FAM53B: variants seen among roughly 807,000 people sequenced by gnomAD.
FAM53B encodes family with sequence similarity 53 member B.
A neutral mutation model predicts 32.7 loss-of-function variants in FAM53B; 12 were observed. The ratio of observed to expected loss-of-function variants is 0.37; its 90% CI spans 0.24 to 0.59. The LOEUF (loss-of-function observed/expected upper bound fraction) is 0.59, where lower values mean the gene tolerates loss of function less well. Among genes scored for constraint, FAM53B ranks in the 20% least tolerant of loss-of-function variants. FAM53B has a pLI of 0.72. For missense variants in FAM53B, 477 were observed against 577.7 expected, an observed-to-expected ratio of 0.83 and a Z score of 1.79; for synonymous variants, 234 against 228.7, an observed-to-expected ratio of 1.02 and a Z score of -0.21.
intron 1 of FAM53B, among the ~76,000 whole-genome samples, chr10:124,734,362 C>A (rs1950162357): frequency 6.6e-6 from 1 of 152,216 alleles, no homozygotes; most frequent in Non-Finnish European, 1.5e-5. Flanking sequence ...AGCCTGGGGG[C>A]CACCACCATG....
intron 1 of FAM53B, among the ~76,000 whole-genome samples, chr10:124,724,383 C>T (rs186963419): frequency 3.3e-5 from 5 of 152,326 alleles, no homozygotes; most frequent in Admixed American, 6.5e-5. Flanking sequence ...CCAGTGCCAG[C>T]GCCAGCGCCC....
chr10:124,721,327 T>C (rs1019145114), intron 1 of FAM53B, among the ~76,000 whole-genome samples: 5 of 152,248 alleles, frequency 3.3e-5, no homozygotes, highest in Admixed American at 6.5e-5. Context: ...GCTTCAATTA[T>C]TAATAAATCA....
At position 124,706,687 on chromosome 10, in the gene FAM53B, G is replaced by C. The variant is rs1949961332; in HGVS notation, c.27C>G (p.Leu9=). MVMVLSES[L]STRGADSIAC... ...CAATGGAGTCAGCTCCCCGGGTGCT[G>C]AGGCTTTCACTTAGGACCATCACCA... The change falls in exon 2 of 5, where the codon CTC becomes CTG. Residue 9 remains leucine (L), a synonymous_variant. Coordinates refer to ENST00000337318, the MANE Select transcript of FAM53B (RefSeq NM_014661.4). 6.2e-7 allele frequency: 1 copy of C among 1,614,196 alleles called. No individual in the cohort carries two copies. Among genetic ancestry groups the C allele is most frequent in the African/African-American group, 1.3e-5 (1 of 75,066 alleles).
chr10:124,713,912 G>A (rs2134091539), intron 1 of FAM53B: 1 of 152,346 alleles, frequency 6.6e-6, no homozygotes, highest in African/African-American at 2.4e-5. Context: ...AAGGAAATAG[G>A]AGGGGAAGAC....
intron 4 of FAM53B, among the ~76,000 whole-genome samples, chr10:124,657,945 C>T (rs778404706): frequency 6.6e-6 from 1 of 152,218 alleles, no homozygotes. Flanking sequence ...CAGGAAGGTT[C>T]CTTTCTGCTT....
chr10:124,679,552 G>C (rs890168788), intron 4 of FAM53B, among the ~76,000 whole-genome samples: 2 of 152,252 alleles, frequency 1.3e-5, no homozygotes, highest in Non-Finnish European at 2.9e-5. Context: ...GGGCTGACCA[G>C]GGTCTAGACT....
chr10:124,682,130 G>A lies in FAM53B; in HGVS notation c.383C>T (p.Thr128Ile), dbSNP rs1330061076. The change falls in exon 4 of 5, where the codon ACA becomes ATA. Residue 128 changes from threonine (T) to isoleucine (I), a missense_variant. By Grantham distance (89) the Thr-to-Ile change is moderately conservative. Around this residue, in one of 2 missense-constraint regions of FAM53B, gnomAD observed 312 missense variants for 420.2 expected, o/e 0.74. Transcript: ENST00000337318. This position sits in a 1 kb window ranked among gnomAD's most constrained non-coding sequence, Gnocchi z 5.2. The part of the protein sequence containing the change: ...SFSDEMSSCR[T>I]SWRPLGSKVW... ...TTTGGAGCCCAAGGGCCTCCATGATGTCCGGCAACTGGACATCTCATCGGA... is the reference window on the plus strand; with the variant it reads ...TTTGGAGCCCAAGGGCCTCCATGATATCCGGCAACTGGACATCTCATCGGA... 1 of 1,613,590 alleles carries A rather than the reference G, an allele frequency of 6.2e-7. No individual in the cohort carries two copies. The highest frequency in any genetic ancestry group is 8.5e-7 in the Non-Finnish European group (1 of 1,179,882).
intron 1 of FAM53B, among the ~76,000 whole-genome samples, chr10:124,734,784 T>G (rs1282357744): frequency 6.6e-6 from 1 of 152,168 alleles, no homozygotes; most frequent in Non-Finnish European, 1.5e-5. Flanking sequence ...GTCCATCCTG[T>G]TCACCCCACA....
rs577085961 is a variant in FAM53B, at chr10:124,621,084, C to G, written c.*2158G>C. On this transcript the variant is annotated 3_prime_UTR_variant, in exon 5 of 5. Coordinates refer to ENST00000337318, the MANE Select transcript of FAM53B (RefSeq NM_014661.4). ...TGTCACCATGTGCCTCCCACCCCAG[C>G]CCTAAGCAAAGGTAGCTGGGGGCTG... 1 of 152,398 alleles carries G rather than the reference C, an allele frequency of 6.6e-6. No individual in the cohort carries two copies. The highest frequency in any genetic ancestry group is 2.4e-5 in the African/African-American group (1 of 41,582). 9.4% of individuals were successfully genotyped at this position (152,398 alleles called of 1,614,324 possible). A position where few individuals can be genotyped will look rare whatever the true frequency, so the allele number is the denominator to read the frequency against.
intron 1 of FAM53B, among the ~76,000 whole-genome samples, chr10:124,730,709 T>G (rs1355792059): frequency 1.3e-5 from 2 of 152,202 alleles, no homozygotes; most frequent in Non-Finnish European, 2.9e-5. Context: ...ATTAAGCATG[T>G]GACACGTGGC....
At chr10:124,710,583 C>A (rs1332216749) in intron 1 of FAM53B, among the ~76,000 whole-genome samples, 1 of 152,174 alleles carries the variant, frequency 6.6e-6, no homozygotes, top group African/African-American at 2.4e-5. Flanking sequence ...AAGCCGGGGG[C>A]ATGGCCAAGA....
rs1206929123 is a variant in FAM53B, at chr10:124,619,838, T to C, written c.*3404A>G. The C allele has an allele frequency of 6.6e-6, 1 of 152,448 alleles. No homozygotes were observed. Among genetic ancestry groups the C allele is most frequent in the Non-Finnish European group, 1.5e-5 (1 of 68,018 alleles). 9.4% of individuals were successfully genotyped at this position (152,448 alleles called of 1,614,324 possible). A position where few individuals can be genotyped will look rare whatever the true frequency, so the allele number is the denominator to read the frequency against. On this transcript the variant is annotated 3_prime_UTR_variant, in exon 5 of 5. Transcript: ENST00000337318. ...GGCTGACGTCTGGAGTGACCGTCAT[T>C]CCAGTGACCACCCCCATAGCCACAG... is the stretch of plus-strand genomic sequence containing the variant.
At chr10:124,645,288 C>A (rs1949505374) in intron 4 of FAM53B, among the ~76,000 whole-genome samples, 1 of 152,252 alleles carries the variant, frequency 6.6e-6, no homozygotes, top group Admixed American at 6.5e-5. Flanking sequence ...AAAATCCCTT[C>A]TTCTCTTTAA....
rs1950154958 is a variant in FAM53B, at chr10:124,733,182, A to G, written c.-175+10831T>C. Among the ~76,000 whole-genome samples, 1 of 152,092 alleles carries G rather than the reference A, an allele frequency of 6.6e-6. No homozygotes were observed. The highest frequency in any genetic ancestry group is 1.9e-4 in the East Asian group (1 of 5,204). ...AGCAAAACCCTACCAGCCTTGGAAAACACACCCCCCAAAGCTAAGATGGGC... is the reference window on the plus strand; with the variant it reads ...AGCAAAACCCTACCAGCCTTGGAAAGCACACCCCCCAAAGCTAAGATGGGC... On this transcript the variant is annotated intron_variant, in intron 1 of 4. Coordinates refer to ENST00000337318, the MANE Select transcript of FAM53B (RefSeq NM_014661.4). The surrounding 1 kb of genome is among the most constrained non-coding windows in gnomAD (Gnocchi z 4.3).
chr10:124,739,226 G>T (rs1950187681), intron 1 of FAM53B, among the ~76,000 whole-genome samples: 1 of 152,214 alleles, frequency 6.6e-6, no homozygotes, highest in Non-Finnish European at 1.5e-5. Flanking sequence ...CATATGGAAA[G>T]CAACCAGGCT....
intron 3 of FAM53B, among the ~76,000 whole-genome samples, chr10:124,683,331 AG>A (rs1226948148): frequency 6.6e-6 from 1 of 152,218 alleles, no homozygotes; most frequent in Non-Finnish European, 1.5e-5. Context: ...ACAGTATAAA[AG>A]CAAAGTTACA....
rs1385905834 is a variant in FAM53B, at chr10:124,696,150, G to A, written c.133+8C>T. 3 of 1,613,044 alleles carry A rather than the reference G, an allele frequency of 1.9e-6. No homozygotes were observed. Among genetic ancestry groups the A allele is most frequent in the Non-Finnish European group, 2.5e-6 (3 of 1,179,008 alleles). On this transcript the variant is annotated splice_region_variant and intron_variant, in intron 3 of 4. Coordinates refer to ENST00000337318, the MANE Select transcript of FAM53B (RefSeq NM_014661.4). ...AGGACAGCTTCCAGGATGGCCTTGA[G>A]TACTTACCCATAATTCCACAAGAGA...
intron 4 of FAM53B, among the ~76,000 whole-genome samples, chr10:124,640,900 G>C (rs1219303290): frequency 6.6e-6 from 1 of 152,224 alleles, no homozygotes; most frequent in African/African-American, 2.4e-5. Context: ...GGCAAAGGCC[G>C]CAGAGGGCAC....
intron 4 of FAM53B, among the ~76,000 whole-genome samples, chr10:124,676,174 C>T (rs916517332): frequency 8.5e-5 from 13 of 152,300 alleles, no homozygotes; most frequent in African/African-American, 2.4e-4. Flanking sequence ...GTGTGCCTGC[C>T]CACAAAAGTT....
Sources: gnomAD v4.1 joint callset for allele counts (sites outside exome capture counted in the v4.1 genomes callset) on GRCh38, gnomAD v4.1.1 for gene constraint, gnomAD v4.1.1 regional missense constraint, Gnocchi (gnomAD v3.1) non-coding constraint, MANE v1.5 for transcripts, NCBI Gene and HGNC (gene_info 2026-07-23, HGNC 2026-07-21) for gene names.